PAK3: variants seen among roughly 807,000 people sequenced by gnomAD.
The protein encoded by PAK3 is p21 (RAC1) activated kinase 3.
A neutral mutation model predicts 41.0 loss-of-function variants in PAK3; 4 were observed. The ratio of observed to expected loss-of-function variants is 0.10; its 90% CI spans 0.05 to 0.22. The LOEUF (loss-of-function observed/expected upper bound fraction) is 0.22. PAK3 is among the 10% of genes least tolerant of loss of function. The pLI, the probability that PAK3 is intolerant of heterozygous loss-of-function variation, is 1.00. For synonymous variants in PAK3, 146 were observed against 139.6 expected (o/e 1.05, Z -0.32); for missense variants, 205 against 409.9 (o/e 0.50, Z 4.32).
chrX:111,058,818 A>G (rs781212335), intron 1 of PAK3, among the ~76,000 whole-genome samples: 1 of 111,854 alleles, frequency 8.9e-6, no homozygotes, highest in East Asian at 2.8e-4. Flanking sequence ...TAGGTCTTTG[A>G]CCATTTCAAG....
intron 11 of PAK3, among the ~76,000 whole-genome samples, chrX:111,186,687 A>G (rs1266938637): frequency 8.9e-6 from 1 of 111,804 alleles, no homozygotes; most frequent in Non-Finnish European, 1.9e-5. Flanking sequence ...AAGAATCAAT[A>G]TCGTGAAAAT....
At chrX:111,038,071 G>T (rs1356569812) in intron 1 of PAK3, among the ~76,000 whole-genome samples, 1 of 111,946 alleles carries the variant, frequency 8.9e-6, no homozygotes, top group African/African-American at 3.2e-5. Context: ...GAAGATGATA[G>T]TAGCCCCAAA....
At chrX:110,998,059 A>C (rs929993380) in intron 1 of PAK3, among the ~76,000 whole-genome samples, 4 of 112,015 alleles carry the variant, frequency 3.6e-5, no homozygotes, top group Non-Finnish European at 5.6e-5. Flanking sequence ...GGACCAAGAC[A>C]GATGCCCATT....
intron 11 of PAK3, among the ~76,000 whole-genome samples, chrX:111,185,525 T>G (rs1026952457): frequency 3.6e-5 from 4 of 111,770 alleles, no homozygotes; most frequent in Admixed American, 9.5e-5. Flanking sequence ...TTTTTATGGT[T>G]TTAGGTTTTA....
chrX:111,144,368 T>C, intron 6 of PAK3, among the ~76,000 whole-genome samples: 1 of 112,451 alleles, frequency 8.9e-6, no homozygotes, highest in South Asian at 3.7e-4. Context: ...TGTAACTACT[T>C]GTTCATACAT....
intron 11 of PAK3, among the ~76,000 whole-genome samples, chrX:111,182,043 G>C (rs777673332): frequency 1.3e-4 from 14 of 111,755 alleles, no homozygotes; most frequent in Non-Finnish European, 2.1e-4. Context: ...GTTGTGTGCT[G>C]TCCCTTGTAA....
At chrX:111,129,714 C>G (rs1221685251) in intron 5 of PAK3, among the ~76,000 whole-genome samples, 1 of 111,035 alleles carries the variant, frequency 9.0e-6, no homozygotes, top group Non-Finnish European at 1.9e-5. Context: ...GAGATGTTTA[C>G]ACTAAGGTAA....
At chrX:111,094,023 T>C (rs1382524771), upstream of PAK3, among the ~76,000 whole-genome samples, 1 of 111,743 alleles carries the variant, frequency 8.9e-6, no homozygotes, top group Non-Finnish European at 1.9e-5. Flanking sequence ...TTTTGATTTG[T>C]GATTTTTTTA....
chrX:111,206,149 C>T (rs1054501434), intron 16 of PAK3, among the ~76,000 whole-genome samples: 1 of 111,193 alleles, frequency 9.0e-6, no homozygotes, highest in Non-Finnish European at 1.9e-5. Context: ...TCTCTTTGTC[C>T]TCATTCCACC....
At chrX:111,216,626 A>G in intron 17 of PAK3, 68 bp downstream of exon 17, 1 of 904,079 alleles carries the variant, frequency 1.1e-6, no homozygotes, top group Non-Finnish European at 1.6e-6. Flanking sequence ...AATGTGTGAC[A>G]GAGAGCTCTG....
chrX:111,037,888 G>C (rs182919203), intron 1 of PAK3, among the ~76,000 whole-genome samples: 2 of 111,375 alleles, frequency 1.8e-5, no homozygotes, highest in South Asian at 3.9e-4. Context: ...GGCTCATAAG[G>C]TTCCCCAGGT....
intron 1 of PAK3, among the ~76,000 whole-genome samples, chrX:110,997,886 C>T (rs899557016): frequency 1.8e-5 from 2 of 111,317 alleles, no homozygotes; most frequent in African/African-American, 3.3e-5. Context: ...CCTTCCACTA[C>T]GTGAGGACAC....
chrX:111,078,220 T>G (rs1396930726), intron 1 of PAK3, among the ~76,000 whole-genome samples: 1 of 110,795 alleles, frequency 9.0e-6, no homozygotes, highest in Non-Finnish European at 1.9e-5. Flanking sequence ...TTTATTGTAC[T>G]TTGTTTAATT....
At chrX:111,170,497 A>G (rs1283760227) in intron 10 of PAK3, among the ~76,000 whole-genome samples, 2 of 111,491 alleles carry the variant, frequency 1.8e-5, no homozygotes, top group African/African-American at 6.5e-5. Flanking sequence ...ACTGTTGTGT[A>G]AATTAGCATG....
intron 17 of PAK3, among the ~76,000 whole-genome samples, chrX:111,219,237 AG>A (rs2094908695): frequency 9.5e-6 from 1 of 105,747 alleles, no homozygotes; most frequent in Non-Finnish European, 1.9e-5. Context: ...AATAATAATA[AG>A]CAAGAGATAA....
chrX:110,960,770 T>C (rs1602545296), intron 1 of PAK3, among the ~76,000 whole-genome samples: 2 of 111,984 alleles, frequency 1.8e-5, no homozygotes, highest in African/African-American at 6.5e-5. Context: ...TCCTGGATTT[T>C]GTCCCCAAAC....
intron 10 of PAK3, among the ~76,000 whole-genome samples, chrX:111,164,392 A>T (rs1021606249): frequency 1.8e-5 from 2 of 111,483 alleles, no homozygotes; most frequent in African/African-American, 6.5e-5. Flanking sequence ...ACAAATTGCT[A>T]GATATCAGCA....
At chrX:111,002,025 A>G (rs1190575461) in intron 1 of PAK3, among the ~76,000 whole-genome samples, 2 of 111,608 alleles carry the variant, frequency 1.8e-5, no homozygotes, top group Non-Finnish European at 3.8e-5. Flanking sequence ...AATAATTATT[A>G]TTATGTACTA....
chrX:111,033,386 G>A (rs776672066), intron 1 of PAK3, among the ~76,000 whole-genome samples: 9 of 111,904 alleles, frequency 8.0e-5, no homozygotes, highest in Non-Finnish European at 1.5e-4. Flanking sequence ...CCTAAATGTC[G>A]AGGTCAGGTA....
Sources: gnomAD v4.1 joint callset for allele counts (sites outside exome capture counted in the v4.1 genomes callset) on GRCh38, gnomAD v4.1.1 for gene constraint, MANE v1.5 for transcripts, NCBI Gene and HGNC (gene_info 2026-07-23, HGNC 2026-07-21) for gene names.